The following PLEKHM2 variants were observed in gnomAD, a reference collection of about 807,000 sequenced individuals.
The protein encoded by PLEKHM2 is pleckstrin homology and RUN domain containing M2.
PLEKHM2 carries 77 observed loss-of-function variants against 116.3 expected under a neutral mutation model. The observed-to-expected ratio is 0.66, with a 90% CI of 0.55 to 0.80. The LOEUF (loss-of-function observed/expected upper bound fraction) is 0.80. Among genes scored for constraint, PLEKHM2 ranks in the 30% least tolerant of loss-of-function variants. The pLI is 0.00. For missense variants in PLEKHM2, 1,183 were observed against 1,354.9 expected (o/e 0.87, Z 1.99); for synonymous variants, 562 against 571.0 (o/e 0.98, Z 0.22).
chr1:15,689,190 G>A (rs545697776), intron 1 of PLEKHM2, among the ~76,000 whole-genome samples: 1 of 150,548 alleles, frequency 6.6e-6, no homozygotes, highest in East Asian at 1.9e-4. Flanking sequence ...GGAGGTTGTG[G>A]TGAGTTGTGG....
chr1:15,689,423 G>C (rs991463780), intron 1 of PLEKHM2, among the ~76,000 whole-genome samples: 1 of 152,092 alleles, frequency 6.6e-6, no homozygotes, highest in African/African-American at 2.4e-5. Flanking sequence ...ATTGCCAAGG[G>C]TTCTGCAAGA....
chr1:15,703,214 G>A lies in PLEKHM2; in HGVS notation c.61-13023G>A, dbSNP rs189063424. ...CGAACCTGCCAGGCCAGGCCGGGCCGGGCAAGGTTTCTTAGGTATCCTTAG... is the reference window on the plus strand; with the variant it reads ...CGAACCTGCCAGGCCAGGCCGGGCCAGGCAAGGTTTCTTAGGTATCCTTAG... On this transcript the variant is annotated intron_variant, in intron 1 of 19. Transcript: ENST00000375799. Among the ~76,000 whole-genome samples, 721 of 152,320 alleles carry A rather than the reference G, an allele frequency of 4.7e-3. 8 individuals are homozygous for A. The highest frequency in any genetic ancestry group is 0.017 in the African/African-American group (697 of 41,566).
Position 15,716,242 on chromosome 1 carries a change from G to T in PLEKHM2, c.66G>T (p.Gln22His). 1 of 1,571,958 alleles carries T rather than the reference G, an allele frequency of 6.4e-7. No homozygotes were observed. The highest frequency in any genetic ancestry group is 8.7e-7 in the Non-Finnish European group (1 of 1,153,118). The change falls in exon 2 of 20, where the codon CAG becomes CAT. Residue 22 changes from glutamine (Q) to histidine (H), a missense_variant. By Grantham distance (24) the Gln-to-His change is conservative. Around this residue, in one of 3 missense-constraint regions of PLEKHM2, gnomAD observed 217 missense variants for 277.6 expected, o/e 0.78. Coordinates refer to ENST00000375799, the MANE Select transcript of PLEKHM2 (RefSeq NM_015164.4). ...ENISLSVKKL[Q>H]SYFAACEDEI... The stretch of plus-strand genomic sequence containing the variant: ...GGTGTTTTTTTTTCTTTCAGTTGCA[G>T]AGCTATTTTGCTGCATGTGAGGATG...
Position 15,684,510 on chromosome 1 carries a change from G to GGGCGGCGGC in PLEKHM2, c.-43_-35dup, listed in dbSNP as rs767880122. On this transcript the variant is annotated 5_prime_UTR_variant, in exon 1 of 20. Transcript: ENST00000375799. ...GCCCCCGGCGCGGGAAGCGGCGGCGGGGCGGCGGCGGCGGTGGCGGTGGCG... is the reference window on the plus strand; with the variant it reads ...GCCCCCGGCGCGGGAAGCGGCGGCGGGGCGGCGGCGGCGGCGGCGGCGGTGGCGGTGGCG... 548 of 976,776 alleles carry GGGCGGCGGC rather than the reference G, an allele frequency of 5.6e-4. No homozygotes were observed. The highest frequency in any genetic ancestry group is 5.0e-4 in the Non-Finnish European group (396 of 799,736). The allele number at this position is 976,776 out of a possible 1,614,324, so 60.5% of individuals were successfully genotyped here. A position where few individuals can be genotyped will look rare whatever the true frequency, so the allele number is the denominator to read the frequency against.
chr1:15,716,621 C>T, intron 2 of PLEKHM2, 86 bp from the exon 3 acceptor site: 1 of 1,378,294 alleles, frequency 7.3e-7, no homozygotes, highest in Non-Finnish European at 1.0e-6. Flanking sequence ...TCACTTCCTG[C>T]CTTGCGCTCA....
At chr1:15,720,128 T>TTA (rs144815982) in intron 6 of PLEKHM2, among the ~76,000 whole-genome samples, 4,155 of 115,824 alleles carry the variant, frequency 0.036, 69 homozygotes, top group South Asian at 0.05. Context: ...AAAGCTGAAA[T>TTA]TATATATATA....
chr1:15,693,304 G>A (rs1199151521), intron 1 of PLEKHM2, among the ~76,000 whole-genome samples: 4 of 152,240 alleles, frequency 2.6e-5, no homozygotes, highest in Non-Finnish European at 5.9e-5. Flanking sequence ...GCCTCCCAAA[G>A]TGCTGGGATT....
Position 15,725,490 on chromosome 1 carries a change from G to A in PLEKHM2, c.886G>A (p.Glu296Lys). 6.3e-7 allele frequency: 1 copy of A among 1,581,722 alleles called. No individual in the cohort carries two copies. Among genetic ancestry groups the A allele is most frequent in the Non-Finnish European group, 8.6e-7 (1 of 1,164,890 alleles). ...CGTGCACACCACCTCTCAGGAGAAG[G>A]AGGAGGCCCAGGCCCTGGACCCGCC... ...TPVHTTSQEKEEAQALDPPDA... is the reference protein window; with the variant it reads ...TPVHTTSQEKKEAQALDPPDA... The change falls in exon 8 of 20, where the codon GAG becomes AAG. Residue 296 changes from glutamate to lysine, a missense_variant. Physicochemically the swap from Glu to Lys is moderately conservative, Grantham distance 56. Transcript: ENST00000375799.
At chr1:15,730,090 C>T (rs2068119286) in intron 14 of PLEKHM2, among the ~76,000 whole-genome samples, 161 bp downstream of exon 14, 1 of 152,100 alleles carries the variant, frequency 6.6e-6, no homozygotes, top group African/African-American at 2.4e-5. Flanking sequence ...CTTTCCCACC[C>T]TGGAAGGGAG....
At chr1:15,723,958 C>G (rs2068027851) in intron 7 of PLEKHM2, among the ~76,000 whole-genome samples, 1 of 152,240 alleles carries the variant, frequency 6.6e-6, no homozygotes, top group African/African-American at 2.4e-5. Flanking sequence ...GCCATTGACC[C>G]TCACCCAGGC....
In PLEKHM2 at chr1:15,720,471, C is replaced by T. The variant is rs888631123; in HGVS notation, c.652+551C>T. 1.4e-5 allele frequency: 14 copies of T among 985,116 alleles called. No homozygotes were observed. In the East Asian group the frequency reaches 3.4e-4, roughly 24 times the overall value. 61.0% of individuals were successfully genotyped at this position (985,116 alleles called of 1,614,324 possible). A position where few individuals can be genotyped will look rare whatever the true frequency, so the allele number is the denominator to read the frequency against. On this transcript the variant is annotated intron_variant, in intron 6 of 19. Transcript: ENST00000375799. The stretch of plus-strand genomic sequence containing the variant: ...TGGTCGCACCCTTTGCATCAGGGAC[C>T]GAGGAAGAAGCTGCAGGTCATTTTG...
intron 1 of PLEKHM2, among the ~76,000 whole-genome samples, chr1:15,692,282 C>A (rs1350317571): frequency 6.6e-6 from 1 of 152,188 alleles, no homozygotes; most frequent in Non-Finnish European, 1.5e-5. Context: ...TCCCTAAGGA[C>A]CTGAGTCACC....
At chr1:15,689,842 C>T (rs917246607) in intron 1 of PLEKHM2, among the ~76,000 whole-genome samples, 6 of 152,132 alleles carry the variant, frequency 3.9e-5, no homozygotes, top group South Asian at 2.1e-4. Flanking sequence ...CTGCAACCTC[C>T]GCCTCCCAAG....
At chr1:15,706,194 C>G (rs1207004815) in intron 1 of PLEKHM2, among the ~76,000 whole-genome samples, 2 of 152,176 alleles carry the variant, frequency 1.3e-5, no homozygotes, top group Non-Finnish European at 1.5e-5. Flanking sequence ...CGCAAAGCCC[C>G]TCGCACGGCC....
intron 1 of PLEKHM2, among the ~76,000 whole-genome samples, chr1:15,712,082 C>T (rs895175609): frequency 7.0e-6 from 1 of 142,172 alleles, no homozygotes; most frequent in East Asian, 2.0e-4. Flanking sequence ...CACGCCACTG[C>T]ACTCTAGCCT....
chr1:15,704,677 G>C (rs1392801445), intron 1 of PLEKHM2, among the ~76,000 whole-genome samples: 9 of 152,086 alleles, frequency 5.9e-5, no homozygotes, highest in Admixed American at 5.2e-4. Context: ...CCTGCCCTCC[G>C]TGATGAGTGC....
chr1:15,731,943 C>T lies in PLEKHM2; in HGVS notation c.2520C>T (p.Ala840=), dbSNP rs1308886528. 1 of 1,611,778 alleles carries T rather than the reference C, an allele frequency of 6.2e-7. No homozygotes were observed. Among genetic ancestry groups the T allele is most frequent in the African/African-American group, 1.3e-5 (1 of 74,914 alleles). Residue 840 remains alanine (A), a synonymous_variant, in exon 17 of 20, where the codon GCC becomes GCT. Coordinates refer to ENST00000375799, the MANE Select transcript of PLEKHM2 (RefSeq NM_015164.4). ...RRANTTDRPH[A]FQVILSDRPC... ...CCAACACCACGGATCGGCCCCACGC[C>T]TTCCAGGTCATTCTCTCCGACCGGC...
chr1:15,728,651 T>C lies in PLEKHM2; in HGVS notation c.1922-18T>C. 2 of 1,602,310 alleles carry C rather than the reference T, an allele frequency of 1.2e-6. No individual in the cohort carries two copies. The highest frequency in any genetic ancestry group is 2.2e-5 in the East Asian group (1 of 44,538). ...AGAGGCCTGTGGGGATAATAGGCCT[T>C]GGGGTTTCCTCTCTCAGGGGCCACA... On this transcript the variant is annotated intron_variant, in intron 11 of 19. Transcript: ENST00000375799. The surrounding 1 kb of genome is among the most constrained non-coding windows in gnomAD (Gnocchi z 5.9).
chr1:15,691,613 G>T (rs1640889591), intron 1 of PLEKHM2, among the ~76,000 whole-genome samples: 1 of 152,164 alleles, frequency 6.6e-6, no homozygotes, highest in Admixed American at 6.6e-5. Context: ...TCTATTTCTG[G>T]CCAGGCACAC....
Sources: allele counts gnomAD v4.1 joint callset (sites outside exome capture counted in the v4.1 genomes callset), GRCh38; gene constraint gnomAD v4.1.1; regional missense constraint gnomAD v4.1.1; non-coding constraint Gnocchi (gnomAD v3.1); transcripts MANE v1.5; gene names NCBI Gene and HGNC (gene_info 2026-07-23, HGNC 2026-07-21).